The following NEGR1 variants were observed in gnomAD, a reference collection of about 807,000 sequenced individuals.
The protein encoded by NEGR1 is IgLON family member 4.
Under a neutral mutation model 40.9 loss-of-function variants are expected in NEGR1, and 10 were observed. The observed-to-expected ratio is 0.24, with a 90% CI of 0.15 to 0.42. The LOEUF is 0.42. Among genes scored for constraint, NEGR1 ranks in the 10% least tolerant of loss-of-function variants. The pLI is 1.00. For synonymous variants in NEGR1, 185 were observed against 166.8 expected (o/e 1.11, Z -0.84); for missense variants, 352 against 438.9 (o/e 0.80, Z 1.77).
chr1:71,831,786 T>C (rs1253727022), intron 2 of NEGR1, among the ~76,000 whole-genome samples: 5 of 132,100 alleles, frequency 3.8e-5, no homozygotes, highest in African/African-American at 1.1e-4. Flanking sequence ...ACCAAGGATA[T>C]TTTGGGCTGA....
At chr1:71,591,868 C>T (rs1649511587) in intron 6 of NEGR1, among the ~76,000 whole-genome samples, 1 of 152,018 alleles carries the variant, frequency 6.6e-6, no homozygotes, top group Admixed American at 6.6e-5. Flanking sequence ...ATCCCATCCC[C>T]ATTTCTGCAA....
At position 71,592,918 on chromosome 1, in the gene NEGR1, G is replaced by A. The variant is rs751156857; in HGVS notation, c.839C>T (p.Ser280Phe). The change falls in exon 6 of 7, where the codon TCC (serine) becomes TTC (phenylalanine). Residue 280 changes from serine to phenylalanine, a missense_variant. Physicochemically the swap from Ser to Phe is radical, Grantham distance 155 (BLOSUM62 -2). This residue lies in a region of NEGR1 where 184 missense variants were observed against 208.7 expected (regional missense o/e 0.88). Transcript: ENST00000357731. ...TGTCACGTTGGTAACAGTGAGAATG[G>A]ATCTTGTGCTAAAATTTTGAATAAT... ...GIIIQNFSTR[S>F]ILTVTNVTQE... 6.2e-7 allele frequency: 1 copy of A among 1,611,854 alleles called. No homozygotes were observed. The highest frequency in any genetic ancestry group is 1.3e-5 in the African/African-American group (1 of 75,006).
intron 3 of NEGR1, among the ~76,000 whole-genome samples, chr1:71,761,067 T>G (rs1655923801): frequency 6.6e-6 from 1 of 152,216 alleles, no homozygotes; most frequent in Non-Finnish European, 1.5e-5. Context: ...GTTTGCTGTC[T>G]TAAGACTCTA....
intron 2 of NEGR1, among the ~76,000 whole-genome samples, chr1:71,810,753 C>A (rs1418478285): frequency 1.3e-5 from 2 of 152,062 alleles, no homozygotes; most frequent in African/African-American, 4.8e-5. Context: ...CCTTCTCTCT[C>A]TTCCTCCTGC....
rs74421280 is a variant in NEGR1, at chr1:71,618,019, A to G, written c.668-6873T>C. Among the ~76,000 whole-genome samples, 11 of 152,312 alleles carry G rather than the reference A, an allele frequency of 7.2e-5. 1 individual carries two copies. In the East Asian group the frequency reaches 2.1e-3, roughly 29 times the overall value. On this transcript the variant is annotated intron_variant, in intron 4 of 6. Coordinates refer to ENST00000357731, the MANE Select transcript of NEGR1 (RefSeq NM_173808.3). ...CCTTTCACTCCAGGGGAGAATGACAACTGTGTTCAGATCGGCAGATAAAGT... is the reference window on the plus strand; with the variant it reads ...CCTTTCACTCCAGGGGAGAATGACAGCTGTGTTCAGATCGGCAGATAAAGT...
intron 1 of NEGR1, among the ~76,000 whole-genome samples, chr1:72,198,762 A>G (rs1285524760): frequency 6.6e-6 from 1 of 152,046 alleles, no homozygotes; most frequent in African/African-American, 2.4e-5. Context: ...AGTAACAGAG[A>G]ATGACATCTT....
chr1:71,639,701 C>A (rs1019416596), intron 4 of NEGR1, among the ~76,000 whole-genome samples: 2 of 152,016 alleles, frequency 1.3e-5, no homozygotes, highest in Admixed American at 6.6e-5. Flanking sequence ...CAGGCATTTG[C>A]GACCTGCCAA....
At chr1:71,608,970 A>T (rs1225501132) in intron 5 of NEGR1, among the ~76,000 whole-genome samples, 3 of 152,216 alleles carry the variant, frequency 2.0e-5, no homozygotes, top group African/African-American at 7.2e-5. Context: ...AACCTAGGTT[A>T]TCAAAATCTG....
At chr1:72,100,407 A>C (rs1648890129) in intron 1 of NEGR1, among the ~76,000 whole-genome samples, 1 of 152,132 alleles carries the variant, frequency 6.6e-6, no homozygotes, top group South Asian at 2.1e-4. Flanking sequence ...ATGTACCTCA[A>C]CTAATAAAAA....
At chr1:72,010,739 T>C (rs1408467645) in intron 1 of NEGR1, among the ~76,000 whole-genome samples, 1 of 152,068 alleles carries the variant, frequency 6.6e-6, no homozygotes, top group East Asian at 1.9e-4. Context: ...GGGCACATTG[T>C]ATAAGCGTAG....
At chr1:72,182,975 G>T (rs899269816) in intron 1 of NEGR1, among the ~76,000 whole-genome samples, 1 of 152,024 alleles carries the variant, frequency 6.6e-6, no homozygotes, top group African/African-American at 2.4e-5. Context: ...ATGCAAGGGT[G>T]ACATGAAGAA....
At chr1:71,706,054 T>C (rs543258092) in intron 3 of NEGR1, among the ~76,000 whole-genome samples, 4 of 152,344 alleles carry the variant, frequency 2.6e-5, no homozygotes, top group African/African-American at 9.6e-5. Flanking sequence ...AACTTCATAT[T>C]GCTGAAAGAA....
chr1:71,812,835 A>T (rs1228111271), intron 2 of NEGR1, among the ~76,000 whole-genome samples: 2 of 151,722 alleles, frequency 1.3e-5, no homozygotes, highest in East Asian at 1.9e-4. Flanking sequence ...GATTGCAAAA[A>T]TTTTCTCCCA....
intron 2 of NEGR1, among the ~76,000 whole-genome samples, chr1:71,822,053 G>A (rs949825200): frequency 6.6e-6 from 1 of 151,846 alleles, no homozygotes; most frequent in African/African-American, 2.4e-5. Flanking sequence ...AGCCAAAAAT[G>A]GACAGCAGCT....
intron 1 of NEGR1, among the ~76,000 whole-genome samples, chr1:71,997,611 A>AT (rs1221772528): frequency 6.6e-6 from 1 of 151,944 alleles, no homozygotes; most frequent in Non-Finnish European, 1.5e-5. Context: ...AAACAACACT[A>AT]TTTTTTGTGT....
At chr1:71,440,853 C>T (rs566786383) in intron 6 of NEGR1, among the ~76,000 whole-genome samples, 1 of 152,250 alleles carries the variant, frequency 6.6e-6, no homozygotes, top group East Asian at 1.9e-4. Context: ...TTAGATCAGT[C>T]CTATAATCTC....
intron 6 of NEGR1, among the ~76,000 whole-genome samples, chr1:71,573,177 T>A (rs1315863950): frequency 1.3e-5 from 2 of 152,130 alleles, no homozygotes; most frequent in Non-Finnish European, 2.9e-5. Context: ...GATCTAGGAC[T>A]GGTTAGCTAC....
chr1:71,478,341 A>C (rs1646834740), intron 6 of NEGR1, among the ~76,000 whole-genome samples: 2 of 152,094 alleles, frequency 1.3e-5, no homozygotes, highest in African/African-American at 4.8e-5. Context: ...ATGGTCTGGC[A>C]CAGACCCGCT....
intron 6 of NEGR1, among the ~76,000 whole-genome samples, chr1:71,524,346 GT>G (rs1647192397): frequency 1.3e-5 from 2 of 151,050 alleles, no homozygotes; most frequent in South Asian, 4.2e-4. Flanking sequence ...GTGTGTGTGT[GT>G]GTGTGTGTGA....
Sources: allele counts gnomAD v4.1 joint callset (sites outside exome capture counted in the v4.1 genomes callset), GRCh38; gene constraint gnomAD v4.1.1; regional missense constraint gnomAD v4.1.1; transcripts MANE v1.5; gene names NCBI Gene and HGNC (gene_info 2026-07-23, HGNC 2026-07-21).